Variants in EXT2 observed in about 807,000 individuals in gnomAD.
The protein encoded by EXT2 is exostosin-2.
EXT2 carries 53 observed loss-of-function variants against 81.6 expected under a neutral mutation model. The ratio of observed to expected loss-of-function variants is 0.65; its 90% CI spans 0.52 to 0.82. The LOEUF is 0.82. Among genes scored for constraint, EXT2 ranks in the 40% least tolerant of loss-of-function variants. The pLI, the probability that EXT2 is intolerant of heterozygous loss-of-function variation, is 0.00. For synonymous variants in EXT2, 320 were observed against 340.0 expected (o/e 0.94, Z 0.65); for missense variants, 774 against 910.2 (o/e 0.85, Z 1.93).
chr11:44,198,415 T>C (rs890429214), intron 9 of EXT2, among the ~76,000 whole-genome samples: 15 of 152,080 alleles, frequency 9.9e-5, no homozygotes, highest in African/African-American at 3.6e-4. Flanking sequence ...TCACTTCTGA[T>C]TGGAAAAGTC....
At chr11:44,152,602 C>T (rs117521321) in intron 7 of EXT2, among the ~76,000 whole-genome samples, 63 of 152,230 alleles carry the variant, frequency 4.1e-4, no homozygotes, top group African/African-American at 1.3e-3. Flanking sequence ...CTGCCCTCCT[C>T]GCCTTCCCAA....
intron 10 of EXT2, among the ~76,000 whole-genome samples, chr11:44,215,872 T>G (rs1333207601): frequency 1.6e-5 from 2 of 124,524 alleles, no homozygotes; most frequent in African/African-American, 5.9e-5. Flanking sequence ...GGAATTTTTT[T>G]TTTTTTTTTT....
Position 44,236,343 on chromosome 11 carries a change from G to GCTTT in EXT2, c.1988_1991dup (p.Leu665PhefsTer34). 1 of 1,614,014 alleles carries GCTTT rather than the reference G, an allele frequency of 6.2e-7. No homozygotes were observed. Among genetic ancestry groups the GCTTT allele is most frequent in the Admixed American group, 1.7e-5 (1 of 60,010 alleles). On this transcript the variant is annotated frameshift_variant, in exon 13 of 14. Coordinates refer to ENST00000533608, the MANE Select transcript of EXT2 (RefSeq NM_207122.2). LOFTEE classifies it high-confidence loss of function. ...GTCCTGAGTGCACAGCCATAGATGGGCTTTCACTAGACCAAACACACATGG... is the reference window on the plus strand; with the variant it reads ...GTCCTGAGTGCACAGCCATAGATGGGCTTTCTTTCACTAGACCAAACACACATGG...
intron 7 of EXT2, among the ~76,000 whole-genome samples, chr11:44,167,920 C>T (rs900584599): frequency 2.6e-5 from 4 of 151,906 alleles, no homozygotes; most frequent in South Asian, 4.2e-4. Flanking sequence ...CCCACTAACT[C>T]GTCCTCTAGC....
intron 8 of EXT2, among the ~76,000 whole-genome samples, chr11:44,180,075 C>T (rs947711792): frequency 1.4e-4 from 21 of 152,264 alleles, no homozygotes; most frequent in Non-Finnish European, 3.1e-4. Flanking sequence ...AATAGTGCGG[C>T]TTAAAAATTC....
chr11:44,168,124 A>G (rs1210304373), intron 7 of EXT2, among the ~76,000 whole-genome samples: 2 of 152,092 alleles, frequency 1.3e-5, no homozygotes, highest in African/African-American at 4.8e-5. Flanking sequence ...TTCCAGTTTC[A>G]ACAAAGATAT....
intron 9 of EXT2, among the ~76,000 whole-genome samples, chr11:44,199,403 C>A (rs1040657350): frequency 6.6e-5 from 10 of 152,240 alleles, no homozygotes; most frequent in African/African-American, 2.4e-4. Context: ...GCTAATTAGT[C>A]CCTTCGTTTA....
At chr11:44,098,602 C>T (rs998452028) in intron 1 of EXT2, among the ~76,000 whole-genome samples, 3 of 148,942 alleles carry the variant, frequency 2.0e-5, no homozygotes, top group Non-Finnish European at 4.4e-5. Flanking sequence ...GGCTGAGGCA[C>T]GAGAATCGCT....
intron 10 of EXT2, among the ~76,000 whole-genome samples, chr11:44,210,461 T>C (rs1459933432): frequency 2.6e-5 from 4 of 152,076 alleles, no homozygotes; most frequent in African/African-American, 4.8e-5. Flanking sequence ...ACCCTAGAGA[T>C]AGAAAGATCA....
In EXT2 at chr11:44,126,825, T is replaced by C; in HGVS notation, c.949T>C (p.Phe317Leu). 1.2e-6 allele frequency: 2 copies of C among 1,614,208 alleles called. No individual in the cohort carries two copies. The highest frequency in any genetic ancestry group is 2.2e-5 in the South Asian group (2 of 91,086). Residue 317 changes from phenylalanine to leucine, a missense_variant, in exon 6 of 14, where the codon TTC becomes CTC. Transcript: ENST00000533608. ...DYPQVLQEAT[F>L]CVVLRGARLG... The stretch of plus-strand genomic sequence containing the variant: ...CTTTGTGTTCCTGCAGGAGGCTACT[T>C]TCTGTGTGGTTCTTCGTGGAGCTCG...
At position 44,186,464 on chromosome 11, in the gene EXT2, G is replaced by C. The variant is rs11037896; in HGVS notation, c.1306-11365G>C. 4.3e-3 allele frequency among the ~76,000 whole-genome samples: 650 copies of C among 152,300 alleles called. 2 individuals carry two copies. Among genetic ancestry groups the C allele is most frequent in the Non-Finnish European group, 6.9e-3 (469 of 68,018 alleles). On this transcript the variant is annotated intron_variant, in intron 8 of 13. Transcript: ENST00000533608. The stretch of plus-strand genomic sequence containing the variant: ...TTGGCTTTCTTTCCAAGCAAGAGGA[G>C]GATGAAATGTCAACTTTTTCCTCTA...
intron 11 of EXT2, among the ~76,000 whole-genome samples, 167 bp downstream of exon 11, chr11:44,232,663 C>T (rs559013606): frequency 1.3e-3 from 191 of 152,236 alleles, no homozygotes; most frequent in Admixed American, 2.2e-3. Context: ...AAGTAATGCA[C>T]GCTCATAGTA....
In EXT2 at chr11:44,244,544, CT is replaced by C; in HGVS notation, c.*260del. On this transcript the variant is annotated 3_prime_UTR_variant, in exon 14 of 14. Coordinates refer to ENST00000533608, the MANE Select transcript of EXT2 (RefSeq NM_207122.2). ...CTTCTCGAAAATGCCAAGTGGAAGA[CT>C]TTGTGGCATGCTCCAGATTTAAATC... is the stretch of plus-strand genomic sequence containing the variant. 1 of 495,760 alleles carries C rather than the reference CT, an allele frequency of 2.0e-6. No individual in the cohort carries two copies. Among genetic ancestry groups the C allele is most frequent in the East Asian group, 3.4e-5 (1 of 29,024 alleles). The allele number at this position is 495,760 out of a possible 1,614,324, so 30.7% of individuals were successfully genotyped here. A position where few individuals can be genotyped will look rare whatever the true frequency, so the allele number is the denominator to read the frequency against.
At chr11:44,127,037 A>G in intron 6 of EXT2, 82 bp downstream of exon 6, 2 of 1,535,770 alleles carry the variant, frequency 1.3e-6, no homozygotes, top group Non-Finnish European at 1.8e-6. Context: ...ATTGTAATGT[A>G]TACCCTGGTT....
chr11:44,242,900 C>T (rs1007943552), intron 13 of EXT2, among the ~76,000 whole-genome samples: 2 of 152,078 alleles, frequency 1.3e-5, no homozygotes, highest in African/African-American at 4.8e-5. Context: ...TCAGTCTTCC[C>T]ATTATAAAAT....
chr11:44,214,753 T>G (rs1020533542), intron 10 of EXT2, among the ~76,000 whole-genome samples: 23 of 144,450 alleles, frequency 1.6e-4, no homozygotes, highest in African/African-American at 5.8e-4. Flanking sequence ...AGAATTGACT[T>G]TTTTTTTTTT....
intron 10 of EXT2, among the ~76,000 whole-genome samples, chr11:44,231,104 G>A (rs1222790860): frequency 6.6e-6 from 1 of 152,190 alleles, no homozygotes; most frequent in Non-Finnish European, 1.5e-5. Flanking sequence ...TAGGGATGCT[G>A]TGCAAATGAT....
intron 7 of EXT2, among the ~76,000 whole-genome samples, chr11:44,140,870 A>G (rs925198645): frequency 6.6e-6 from 1 of 152,254 alleles, no homozygotes; most frequent in Non-Finnish European, 1.5e-5. Flanking sequence ...GGACATGAGC[A>G]GTTTTGCAAG....
intron 8 of EXT2, among the ~76,000 whole-genome samples, chr11:44,182,065 T>C (rs976627833): frequency 6.6e-6 from 1 of 152,198 alleles, no homozygotes; most frequent in Non-Finnish European, 1.5e-5. Flanking sequence ...ATAATAATTC[T>C]GGGCTGCAGG....
Sources: gnomAD v4.1 joint callset for allele counts (sites outside exome capture counted in the v4.1 genomes callset) on GRCh38, gnomAD v4.1.1 for gene constraint, MANE v1.5 for transcripts, NCBI Gene and HGNC (gene_info 2026-07-23, HGNC 2026-07-21) for gene names.